EIF3H: variants seen among roughly 807,000 people sequenced by gnomAD.
EIF3H encodes eIF-3-gamma.
Under a neutral mutation model 44.2 loss-of-function variants are expected in EIF3H, and 26 were observed. The ratio of observed to expected loss-of-function variants is 0.59; its 90% CI spans 0.43 to 0.82. The LOEUF is 0.82. EIF3H is among the 40% of genes least tolerant of loss of function. The probability of loss-of-function intolerance (pLI) is 0.00; values close to 1 mark genes in which losing one functional copy is unlikely to be tolerated. For missense variants in EIF3H, 359 were observed against 432.8 expected (o/e 0.83, Z 1.51); for synonymous variants, 166 against 151.9 (o/e 1.09, Z -0.68).
intron 1 of EIF3H, among the ~76,000 whole-genome samples, chr8:116,742,813 T>A (rs1312634784): frequency 2.6e-5 from 4 of 152,212 alleles, no homozygotes; most frequent in Admixed American, 1.3e-4. Flanking sequence ...AGTGAGAGTT[T>A]CTCTTCACTA....
chr8:116,708,027 C>A (rs1289106976), intron 2 of EIF3H, among the ~76,000 whole-genome samples: 1 of 152,046 alleles, frequency 6.6e-6, no homozygotes, highest in Non-Finnish European at 1.5e-5. Flanking sequence ...AATAATATTA[C>A]AAACTCTTGG....
At chr8:116,722,227 C>T (rs1192244578) in intron 2 of EIF3H, among the ~76,000 whole-genome samples, 1 of 152,130 alleles carries the variant, frequency 6.6e-6, no homozygotes, top group Non-Finnish European at 1.5e-5. Flanking sequence ...TAAGGGGAAA[C>T]CCCCTTCACT....
chr8:116,709,975 G>A (rs1280424035), intron 2 of EIF3H, among the ~76,000 whole-genome samples: 1 of 152,170 alleles, frequency 6.6e-6, no homozygotes, highest in African/African-American at 2.4e-5. Context: ...AGAGCTAGTT[G>A]GACTGGTTAC....
chr8:116,695,792 C>T (rs1814260988), intron 2 of EIF3H, among the ~76,000 whole-genome samples: 1 of 151,626 alleles, frequency 6.6e-6, no homozygotes, highest in Admixed American at 6.6e-5. Context: ...GGCTTGGGAG[C>T]AGAAATAAAT....
At chr8:116,645,598 G>C (rs1257448355) in intron 7 of EIF3H, among the ~76,000 whole-genome samples, 1 of 152,172 alleles carries the variant, frequency 6.6e-6, no homozygotes, top group African/African-American at 2.4e-5. Context: ...CTTGAAGAAA[G>C]GGCTCCATCA....
chr8:116,657,310 G>T lies in EIF3H; in HGVS notation c.462C>A (p.Pro154=). 1 of 1,610,248 alleles carries T rather than the reference G, an allele frequency of 6.2e-7. No individual in the cohort carries two copies. The highest frequency in any genetic ancestry group is 8.5e-7 in the Non-Finnish European group (1 of 1,176,754). ...AGAGAGATCCTTGGGCAGTTTTTAT[G>T]GGATCTCAAACAAGGAAAGAGAAAT... ...IEESVVLIYD[P]IKTAQGSLSL... The change falls in exon 4 of 8, where the codon CCC becomes CCA. Residue 154 remains proline, a synonymous_variant. Transcript: ENST00000521861.
At chr8:116,710,585 G>C (rs564044209) in intron 2 of EIF3H, among the ~76,000 whole-genome samples, 1 of 152,142 alleles carries the variant, frequency 6.6e-6, no homozygotes, top group Non-Finnish European at 1.5e-5. Context: ...TTTGATTTCA[G>C]TTGTGCTGAT....
intron 2 of EIF3H, among the ~76,000 whole-genome samples, chr8:116,680,984 AAG>A (rs1554599372): frequency 1.4e-3 from 217 of 151,520 alleles, no homozygotes; most frequent in South Asian, 3.7e-3. Flanking sequence ...AAAAAAAAAA[AAG>A]AGTTTACAGT....
At chr8:116,713,226 C>A (rs534708466) in intron 2 of EIF3H, among the ~76,000 whole-genome samples, 3 of 152,216 alleles carry the variant, frequency 2.0e-5, no homozygotes, top group Admixed American at 1.3e-4. Context: ...AGCACTGTAT[C>A]CACCTGTAAT....
chr8:116,692,098 C>T (rs1814188116), intron 2 of EIF3H, among the ~76,000 whole-genome samples: 1 of 152,100 alleles, frequency 6.6e-6, no homozygotes, highest in South Asian at 2.1e-4. Context: ...CCCAAGAAAT[C>T]CTTCCTAGGA....
At chr8:116,661,126 T>C (rs1017702741) in intron 2 of EIF3H, among the ~76,000 whole-genome samples, 1 of 152,230 alleles carries the variant, frequency 6.6e-6, no homozygotes, top group Non-Finnish European at 1.5e-5. Flanking sequence ...GTTTCGAAAT[T>C]CCATAATTCT....
intron 2 of EIF3H, among the ~76,000 whole-genome samples, chr8:116,665,933 A>T (rs1813657424): frequency 1.3e-5 from 2 of 152,244 alleles, no homozygotes; most frequent in South Asian, 4.1e-4. Context: ...AGAATTATGG[A>T]GTACACAAGT....
chr8:116,662,549 A>G (rs1813601168), intron 2 of EIF3H, among the ~76,000 whole-genome samples: 1 of 152,206 alleles, frequency 6.6e-6, no homozygotes, highest in Admixed American at 6.5e-5. Flanking sequence ...AGCCACATGA[A>G]CTGCGTTATC....
chr8:116,678,718 G>C (rs1435613479), intron 2 of EIF3H, among the ~76,000 whole-genome samples: 2 of 147,482 alleles, frequency 1.4e-5, no homozygotes, highest in African/African-American at 4.9e-5. Context: ...GTCTCTGCTC[G>C]GCCGCCCCGT....
At chr8:116,663,369 G>A (rs1228024204) in intron 2 of EIF3H, among the ~76,000 whole-genome samples, 1 of 152,140 alleles carries the variant, frequency 6.6e-6, no homozygotes, top group Non-Finnish European at 1.5e-5. Flanking sequence ...GGTTAGACAA[G>A]CTTCAATTTT....
At position 116,643,356 on chromosome 8, in the gene EIF3H, A is replaced by G. The variant is rs141947282; in HGVS notation, c.*1650T>C. On this transcript the variant is annotated 3_prime_UTR_variant, in exon 8 of 8. Transcript: ENST00000521861. Reference sequence around the variant, plus strand: ...TACATACCCTTTGACTCGTAAGTCTATATCAAAGATTATCCTAAAGAAATA... The same window carrying G: ...TACATACCCTTTGACTCGTAAGTCTGTATCAAAGATTATCCTAAAGAAATA... The G allele has an allele frequency of 3.5e-4, 53 of 152,382 alleles. 1 individual carries two copies. The East Asian group carries it at 7.5e-3, about 22-fold the overall frequency. 9.4% of individuals were successfully genotyped at this position (152,382 alleles called of 1,614,324 possible).
chr8:116,684,542 C>A (rs1294359949), intron 2 of EIF3H, among the ~76,000 whole-genome samples: 3 of 152,002 alleles, frequency 2.0e-5, no homozygotes, highest in Non-Finnish European at 2.9e-5. Flanking sequence ...TCCTTAACTA[C>A]TACTGCTATT....
intron 2 of EIF3H, among the ~76,000 whole-genome samples, chr8:116,659,366 T>C (rs1813546494): frequency 6.6e-6 from 1 of 152,148 alleles, no homozygotes; most frequent in African/African-American, 2.4e-5. Flanking sequence ...TTTGAATTAA[T>C]AAAAGAGGAA....
At chr8:116,681,666 CAAAA>C (rs1176033381) in intron 2 of EIF3H, among the ~76,000 whole-genome samples, 1 of 90,760 alleles carries the variant, frequency 1.1e-5, no homozygotes, top group South Asian at 4.0e-4. Context: ...AACTCCATCT[CAAAA>C]AAAAAAAAAA....
Sources: allele counts gnomAD v4.1 joint callset (sites outside exome capture counted in the v4.1 genomes callset), GRCh38; gene constraint gnomAD v4.1.1; transcripts MANE v1.5; gene names NCBI Gene and HGNC (gene_info 2026-07-23, HGNC 2026-07-21).